Variants in BMPR1B observed in about 807,000 individuals in gnomAD.
The protein encoded by BMPR1B is bone morphogenetic protein receptor type-1B.
Under a neutral mutation model 59.1 loss-of-function variants are expected in BMPR1B, and 12 were observed. The observed-to-expected ratio is 0.20, with a 90% CI of 0.13 to 0.33. The LOEUF is 0.33. BMPR1B is among the 10% of genes least tolerant of loss of function. The probability of loss-of-function intolerance (pLI) is 1.00; values close to 1 mark genes in which losing one functional copy is unlikely to be tolerated. For synonymous variants in BMPR1B, 237 were observed against 207.3 expected (o/e 1.14, Z -1.23); for missense variants, 550 against 610.9 (o/e 0.90, Z 1.05).
chr4:94,802,380 A>G (rs1361691462), intron 1 of BMPR1B, among the ~76,000 whole-genome samples: 1 of 152,042 alleles, frequency 6.6e-6, no homozygotes, highest in Admixed American at 6.6e-5. Context: ...GAAACTCCTC[A>G]ATGTTTGTTT....
chr4:94,929,010 T>C (rs573175947), intron 2 of BMPR1B, among the ~76,000 whole-genome samples: 12 of 152,224 alleles, frequency 7.9e-5, no homozygotes, highest in African/African-American at 2.6e-4. Flanking sequence ...CACAACTCTA[T>C]GAACAGTTTT....
chr4:94,859,025 A>G (rs34371309), intron 1 of BMPR1B, among the ~76,000 whole-genome samples: 43,653 of 151,912 alleles, frequency 0.29, 6,760 homozygotes, highest in East Asian at 0.41. Context: ...ATAATTTATA[A>G]TTGCCTTAAT....
chr4:95,032,264 A>AGAGT (rs1298645780), intron 3 of BMPR1B, among the ~76,000 whole-genome samples: 76 of 151,912 alleles, frequency 5.0e-4, no homozygotes, highest in African/African-American at 1.7e-3. Context: ...AGAGAGAGAG[A>AGAGT]GAGTGAGAGA....
intron 3 of BMPR1B, among the ~76,000 whole-genome samples, chr4:95,075,726 T>C (rs567478625): frequency 3.3e-5 from 5 of 152,100 alleles, no homozygotes; most frequent in Non-Finnish European, 7.4e-5. Flanking sequence ...AATTTTCATA[T>C]TCTGTCTCTC....
Position 95,157,929 on chromosome 4 carries a change from A to T in BMPR1B, c.*3256A>T, listed in dbSNP as rs1219241842. On this transcript the variant is annotated 3_prime_UTR_variant, in exon 13 of 13. Transcript: ENST00000515059. Reference sequence around the variant, plus strand: ...TTATTTACAGGGAATTCTTTGACACATTTCAATTGGTGTGTAGTCAAGTAT... The same window carrying T: ...TTATTTACAGGGAATTCTTTGACACTTTTCAATTGGTGTGTAGTCAAGTAT... 6.6e-6 allele frequency: 1 copy of T among 152,192 alleles called. No individual in the cohort carries two copies. The highest frequency in any genetic ancestry group is 1.5e-5 in the Non-Finnish European group (1 of 68,036). The allele number at this position is 152,192 out of a possible 1,614,324, so 9.4% of individuals were successfully genotyped here. A position where few individuals can be genotyped will look rare whatever the true frequency, so the allele number is the denominator to read the frequency against.
chr4:94,851,206 C>T (rs982111438), intron 1 of BMPR1B, among the ~76,000 whole-genome samples: 3 of 152,074 alleles, frequency 2.0e-5, no homozygotes, highest in African/African-American at 4.8e-5. Context: ...TTACCGTCCT[C>T]GTAGAGGGGT....
chr4:95,136,031 C>T (rs1008564717), intron 10 of BMPR1B, among the ~76,000 whole-genome samples: 2 of 152,014 alleles, frequency 1.3e-5, no homozygotes, highest in East Asian at 1.9e-4. Flanking sequence ...TTTTGAGATA[C>T]GTCCCATCAA....
In BMPR1B at chr4:95,080,900, T is replaced by C. The variant is rs377640118; in HGVS notation, c.-17-23508T>C. Among the ~76,000 whole-genome samples the C allele has an allele frequency of 9.8e-5, 15 of 152,336 alleles. No homozygotes were observed. The East Asian group carries it at 1.5e-3, about 16-fold the overall frequency. On this transcript the variant is annotated intron_variant, in intron 3 of 12. Transcript: ENST00000515059. ...GTGACAAAATGTAAAGTGTGTATAA[T>C]AAAATTTTTCAGCAACTGAGAATCA...
At chr4:94,855,848 A>G (rs1416655471) in intron 1 of BMPR1B, among the ~76,000 whole-genome samples, 1 of 152,232 alleles carries the variant, frequency 6.6e-6, no homozygotes, top group Admixed American at 6.5e-5. Flanking sequence ...TTACATTTAA[A>G]TTTTAGAGAG....
At position 95,123,888 on chromosome 4, in the gene BMPR1B, T is replaced by C. The variant is rs1732713930; in HGVS notation, c.428T>C (p.Ile143Thr). The change falls in exon 7 of 13, where the codon ATA becomes ACA. Residue 143 changes from isoleucine (I) to threonine (T), a missense_variant. Coordinates refer to ENST00000515059, the MANE Select transcript of BMPR1B (RefSeq NM_001203.3). ...TVCSLLLVLIILFCYFRYKRQ... is the reference protein window; with the variant it reads ...TVCSLLLVLITLFCYFRYKRQ... The stretch of plus-strand genomic sequence containing the variant: ...TGTAGTTTGCTCTTGGTCCTTATCA[T>C]ATTATTTTGTTACTTCCGGTAAGTT... 1.2e-6 allele frequency: 2 copies of C among 1,611,002 alleles called. No homozygotes were observed. The highest frequency in any genetic ancestry group is 1.7e-4 in the Middle Eastern group (1 of 6,044).
chr4:94,982,303 T>TA (rs1721129327), intron 2 of BMPR1B, among the ~76,000 whole-genome samples: 10 of 146,662 alleles, frequency 6.8e-5, no homozygotes, highest in Non-Finnish European at 1.1e-4. Context: ...TTGCCTTTTT[T>TA]TAAAAAAAAA....
intron 3 of BMPR1B, among the ~76,000 whole-genome samples, chr4:95,012,994 T>C (rs1210858267): frequency 6.6e-6 from 1 of 152,146 alleles, no homozygotes; most frequent in Non-Finnish European, 1.5e-5. Flanking sequence ...AACTTTTTAA[T>C]ACTTTAAAAA....
intron 1 of BMPR1B, among the ~76,000 whole-genome samples, chr4:94,766,953 C>T (rs1379947603): frequency 6.6e-6 from 1 of 152,022 alleles, no homozygotes; most frequent in Non-Finnish European, 1.5e-5. Context: ...TGAGTTTCTC[C>T]CTTATTTTAA....
intron 6 of BMPR1B, among the ~76,000 whole-genome samples, chr4:95,117,010 T>TA (rs1403357578): frequency 1.3e-5 from 2 of 152,108 alleles, no homozygotes; most frequent in East Asian, 3.9e-4. Flanking sequence ...TGTTCAGAAA[T>TA]ATCTCATTAG....
At chr4:94,816,626 G>T (rs1045610050) in intron 1 of BMPR1B, among the ~76,000 whole-genome samples, 20 of 151,908 alleles carry the variant, frequency 1.3e-4, no homozygotes, top group African/African-American at 4.8e-4. Flanking sequence ...TTTTTCTATA[G>T]AAATTAATAC....
chr4:95,129,381 C>G (rs1733140338), intron 8 of BMPR1B, among the ~76,000 whole-genome samples: 1 of 151,996 alleles, frequency 6.6e-6, no homozygotes, highest in South Asian at 2.1e-4. Flanking sequence ...CCTTCCCTCC[C>G]TCCTTCCTCC....
At chr4:95,120,856 T>C (rs987072350) in intron 6 of BMPR1B, among the ~76,000 whole-genome samples, 1 of 146,020 alleles carries the variant, frequency 6.8e-6, no homozygotes, top group Non-Finnish European at 1.5e-5. Context: ...TCACCCAGGC[T>C]GGAGTGCAGT....
intron 2 of BMPR1B, among the ~76,000 whole-genome samples, chr4:94,936,189 A>T (rs1419124716): frequency 6.6e-6 from 1 of 152,182 alleles, no homozygotes; most frequent in Non-Finnish European, 1.5e-5. Flanking sequence ...TTGCTATGAT[A>T]GTATACCTCA....
chr4:94,871,501 A>T (rs565170027), intron 1 of BMPR1B, among the ~76,000 whole-genome samples: 3 of 152,286 alleles, frequency 2.0e-5, no homozygotes, highest in African/African-American at 7.2e-5. Flanking sequence ...AACCCTTTCT[A>T]AGAAGGAAGG....
Sources: allele counts gnomAD v4.1 joint callset (sites outside exome capture counted in the v4.1 genomes callset), GRCh38; gene constraint gnomAD v4.1.1; transcripts MANE v1.5; gene names NCBI Gene and HGNC (gene_info 2026-07-23, HGNC 2026-07-21).